CYP27C1: variants seen among roughly 807,000 people sequenced by gnomAD.
CYP27C1 encodes the protein cytochrome P450 27C1.
Under a neutral mutation model 40.6 loss-of-function variants are expected in CYP27C1, and 29 were observed. That is an observed-to-expected ratio of 0.71 (90% CI 0.53 to 0.97). CYP27C1 has a LOEUF of 0.97. Among genes scored for constraint, CYP27C1 ranks in the 50% least tolerant of loss-of-function variants. CYP27C1 has a pLI of 0.00. For missense variants in CYP27C1, 390 were observed against 485.8 expected (o/e 0.80, Z 1.85); for synonymous variants, 198 against 186.8 (o/e 1.06, Z -0.49).
intron 2 of CYP27C1, 40 bp from the exon 3 acceptor site, chr2:127,203,611 C>G: frequency 1.9e-6 from 3 of 1,569,662 alleles, no homozygotes; most frequent in South Asian, 1.2e-5. Flanking sequence ...CTTACTTACA[C>G]TGACATTCTG....
In CYP27C1 at chr2:127,195,133, C is replaced by T. The variant is rs1376547763; in HGVS notation, c.1214+202G>A. Reference sequence around the variant, plus strand: ...GAGCCACTGTGCCTGGCCCAAAGATCTTTACAGAGAACAAGGATTATGTCG... The same window carrying T: ...GAGCCACTGTGCCTGGCCCAAAGATTTTTACAGAGAACAAGGATTATGTCG... On this transcript the variant is annotated intron_variant, in intron 6 of 8. Coordinates refer to ENST00000664447, the MANE Select transcript of CYP27C1 (RefSeq NM_001367502.1). This position sits in a 1 kb window ranked among gnomAD's most constrained non-coding sequence, Gnocchi z 6.2. 6.6e-6 allele frequency among the ~76,000 whole-genome samples: 1 copy of T among 152,122 alleles called. No individual in the cohort carries two copies. The highest frequency in any genetic ancestry group is 6.5e-5 in the Admixed American group (1 of 15,272).
chr2:127,219,898 C>G lies in CYP27C1; in HGVS notation c.282+91G>C, dbSNP rs1683515352. On this transcript the variant is annotated intron_variant, in intron 1 of 8. Transcript: ENST00000664447. This position sits in a 1 kb window ranked among gnomAD's most constrained non-coding sequence, Gnocchi z 8.7. ...CCGCCCCTCCCTGGGACTCCCCAACCCCGCGCCCCTCCCTGGCGCCCTCCC... is the reference window on the plus strand; with the variant it reads ...CCGCCCCTCCCTGGGACTCCCCAACGCCGCGCCCCTCCCTGGCGCCCTCCC... 1 of 152,424 alleles carries G rather than the reference C, an allele frequency of 6.6e-6. No individual in the cohort carries two copies. The highest frequency in any genetic ancestry group is 1.5e-5 in the Non-Finnish European group (1 of 68,288). The allele number at this position is 152,424 out of a possible 1,614,324, so 9.4% of individuals were successfully genotyped here.
At chr2:127,215,787 C>G (rs1284113532) in intron 1 of CYP27C1, among the ~76,000 whole-genome samples, 2 of 149,702 alleles carry the variant, frequency 1.3e-5, no homozygotes, top group Admixed American at 6.7e-5. Flanking sequence ...GGACTTGTAC[C>G]CAGAATATAT....
chr2:127,210,925 T>C (rs1683323353), intron 1 of CYP27C1, among the ~76,000 whole-genome samples: 2 of 152,300 alleles, frequency 1.3e-5, no homozygotes, highest in Middle Eastern at 3.4e-3. Flanking sequence ...TGGGAGACTT[T>C]AACACCCCAC....
In CYP27C1 at chr2:127,196,512, A is replaced by T. The variant is rs994351255; in HGVS notation, c.1048-1011T>A. On this transcript the variant is annotated intron_variant, in intron 5 of 8. Transcript: ENST00000664447. This position sits in a 1 kb window ranked among gnomAD's most constrained non-coding sequence, Gnocchi z 4.5. ...CTAGTAAACAAGGAAATGCCACAGT[A>T]TAAAGGCCTTTCTCTTTCACCAAAA... Among the ~76,000 whole-genome samples the T allele has an allele frequency of 6.9e-6, 1 of 144,632 alleles. No homozygotes were observed. The highest frequency in any genetic ancestry group is 1.5e-5 in the Non-Finnish European group (1 of 66,624). 94.9% of individuals were successfully genotyped at this position (144,632 alleles called of 152,430 possible). A position where few individuals can be genotyped will look rare whatever the true frequency, so the allele number is the denominator to read the frequency against.
Position 127,203,388 on chromosome 2 carries a change from G to A in CYP27C1, c.657C>T (p.Phe219=). The A allele has an allele frequency of 6.2e-7, 1 of 1,612,380 alleles. No homozygotes were observed. The change falls in exon 3 of 9, where the codon TTC becomes TTT. Residue 219 remains phenylalanine, a synonymous_variant. Coordinates refer to ENST00000664447, the MANE Select transcript of CYP27C1 (RefSeq NM_001367502.1). ...CCACCTCACCTTCCATTGAATATTT[G>A]AAGAAAAGATCATTGACATTGGTCA... The part of the protein sequence containing the change: ...ETVTNVNDLF[F]KYSMEGVATI...
At chr2:127,211,369 GTTTTTTTTTTTTT>G (rs371826841) in intron 1 of CYP27C1, among the ~76,000 whole-genome samples, 6 of 94,940 alleles carry the variant, frequency 6.3e-5, no homozygotes, top group Admixed American at 1.1e-4. Flanking sequence ...GTGTTTTTTT[GTTTTTTTTTTTTT>G]TTTTTTTTTT....
intron 6 of CYP27C1, among the ~76,000 whole-genome samples, chr2:127,194,824 G>A (rs1402052122): frequency 6.6e-6 from 1 of 151,538 alleles, no homozygotes; most frequent in African/African-American, 2.4e-5. Context: ...TTCAATGACT[G>A]CTCCAAAGAT....
At chr2:127,206,127 A>G (rs1232675375) in intron 1 of CYP27C1, among the ~76,000 whole-genome samples, 37 bp from the exon 2 acceptor site, 3 of 152,264 alleles carry the variant, frequency 2.0e-5, no homozygotes, top group African/African-American at 7.2e-5. Flanking sequence ...AGGAAAAAAT[A>G]CATAGATATG....
intron 1 of CYP27C1, among the ~76,000 whole-genome samples, chr2:127,210,688 G>C (rs1412211184): frequency 7.9e-6 from 1 of 126,332 alleles, no homozygotes. Flanking sequence ...AGTGAAAAGT[G>C]AAAAAAAAAA....
intron 1 of CYP27C1, among the ~76,000 whole-genome samples, chr2:127,215,634 C>T (rs970418744): frequency 1.4e-4 from 22 of 152,226 alleles, no homozygotes; most frequent in African/African-American, 5.3e-4. Context: ...CTCTGGGAGG[C>T]CAAGGCAGGT....
chr2:127,206,619 A>G (rs1558932391), intron 1 of CYP27C1, among the ~76,000 whole-genome samples: 1 of 152,116 alleles, frequency 6.6e-6, no homozygotes, highest in Non-Finnish European at 1.5e-5. Context: ...TTCTTTAGGG[A>G]TATGTTTTTA....
At position 127,208,303 on chromosome 2, in the gene CYP27C1, C is replaced by A. The variant is rs1029541229; in HGVS notation, c.283-2213G>T. ...GGGGAAGGGAACCCACTCCCCCCAG[C>A]CAAGGGAGGTGGTGAGTGAGCGGGC... On this transcript the variant is annotated intron_variant, in intron 1 of 8. Coordinates refer to ENST00000664447, the MANE Select transcript of CYP27C1 (RefSeq NM_001367502.1). This position sits in a 1 kb window ranked among gnomAD's most constrained non-coding sequence, Gnocchi z 5.2. Among the ~76,000 whole-genome samples, 2 of 152,190 alleles carry A rather than the reference C, an allele frequency of 1.3e-5. No individual in the cohort carries two copies. The highest frequency in any genetic ancestry group is 2.9e-5 in the Non-Finnish European group (2 of 68,034).
chr2:127,195,516 T>C lies in CYP27C1; in HGVS notation c.1048-15A>G. On this transcript the variant is annotated splice_polypyrimidine_tract_variant and intron_variant, in intron 5 of 8. Transcript: ENST00000664447. The surrounding 1 kb of genome is among the most constrained non-coding windows in gnomAD (Gnocchi z 6.2). ...GTGAAGGACGTCTAAGGAGAGAAAG[T>C]GGCAGACACAGGCAGGCAGTGAGTA... is the stretch of plus-strand genomic sequence containing the variant. 1 of 1,613,050 alleles carries C rather than the reference T, an allele frequency of 6.2e-7. No homozygotes were observed. The highest frequency in any genetic ancestry group is 8.5e-7 in the Non-Finnish European group (1 of 1,179,426).
At chr2:127,192,569 T>G (rs1573891621) in intron 8 of CYP27C1, among the ~76,000 whole-genome samples, 2 of 152,050 alleles carry the variant, frequency 1.3e-5, no homozygotes, top group African/African-American at 2.4e-5. Flanking sequence ...GTGTAAATGG[T>G]TGGGTCAGTT....
chr2:127,201,366 A>G lies in CYP27C1; in HGVS notation c.674-35T>C. Reference sequence around the variant, plus strand: ...AAAGAGAATTTGAAAACCCTCTTCTAGATTATTTACCATACCAACAGGCAA... The same window carrying G: ...AAAGAGAATTTGAAAACCCTCTTCTGGATTATTTACCATACCAACAGGCAA... On this transcript the variant is annotated intron_variant, in intron 3 of 8. Transcript: ENST00000664447. This position sits in a 1 kb window ranked among gnomAD's most constrained non-coding sequence, Gnocchi z 6.0. The G allele has an allele frequency of 1.3e-6, 2 of 1,592,578 alleles. No homozygotes were observed. The highest frequency in any genetic ancestry group is 2.2e-5 in the East Asian group (1 of 44,508).
rs901775197 is a variant in CYP27C1 at position 127,201,603 on chromosome 2, G to A, written c.674-272C>T. ...TCTCTGGAGGAAATTCGAAGACTCT[G>A]AGAGTTTAAGTAGCTTGGCTAAGGC... is the stretch of plus-strand genomic sequence containing the variant. On this transcript the variant is annotated intron_variant, in intron 3 of 8. Transcript: ENST00000664447. The surrounding 1 kb of genome is among the most constrained non-coding windows in gnomAD (Gnocchi z 6.0). 6.6e-6 allele frequency among the ~76,000 whole-genome samples: 1 copy of A among 152,214 alleles called. No individual in the cohort carries two copies. The highest frequency in any genetic ancestry group is 1.5e-5 in the Non-Finnish European group (1 of 68,040).
At position 127,213,307 on chromosome 2, in the gene CYP27C1, GA is replaced by G. The variant is rs58980874; in HGVS notation, c.282+6681del. Reference sequence around the variant, plus strand: ...ACCATTGACATTCTTCACAGAATTAGAAAAAAAAAAACTTAAATTTCATATG... The same window carrying G: ...ACCATTGACATTCTTCACAGAATTAGAAAAAAAAAACTTAAATTTCATATG... On this transcript the variant is annotated intron_variant, in intron 1 of 8. Coordinates refer to ENST00000664447, the MANE Select transcript of CYP27C1 (RefSeq NM_001367502.1). Among the ~76,000 whole-genome samples the G allele has an allele frequency of 1.3e-4, 19 of 143,194 alleles. No homozygotes were observed. In the East Asian group the frequency reaches 2.1e-3, roughly 16 times the overall value. 93.9% of individuals were successfully genotyped at this position (143,194 alleles called of 152,430 possible).
At chr2:127,197,904 T>C (rs1413335491) in intron 5 of CYP27C1, among the ~76,000 whole-genome samples, 3 of 151,736 alleles carry the variant, frequency 2.0e-5, no homozygotes, top group African/African-American at 7.3e-5. Context: ...CAAAAACCCA[T>C]GTTAACTATC....
Sources: gnomAD v4.1 joint callset for allele counts (sites outside exome capture counted in the v4.1 genomes callset) on GRCh38, gnomAD v4.1.1 for gene constraint, Gnocchi (gnomAD v3.1) non-coding constraint, MANE v1.5 for transcripts, NCBI Gene and HGNC (gene_info 2026-07-23, HGNC 2026-07-21) for gene names.